NECAP1: variants seen among roughly 807,000 people sequenced by gnomAD.
The protein encoded by NECAP1 is NECAP endocytosis associated 1.
NECAP1 carries 13 observed loss-of-function variants against 33.4 expected under a neutral mutation model. That is an observed-to-expected ratio of 0.39 (90% CI 0.25 to 0.62). NECAP1 has a LOEUF of 0.62. NECAP1 is among the 20% of genes least tolerant of loss of function. The pLI is 0.52. For missense variants in NECAP1, 272 were observed against 347.4 expected (o/e 0.78, Z 1.73); for synonymous variants, 109 against 125.2 (o/e 0.87, Z 0.86).
intron 3 of NECAP1, 81 bp from the exon 4 acceptor site, chr12:8,091,688 A>C (rs1350013569): frequency 8.1e-7 from 1 of 1,237,464 alleles, no homozygotes; most frequent in Non-Finnish European, 1.2e-6. Context: ...GGTTTCTAAC[A>C]GGCCACAGAC....
chr12:8,087,525 T>TTG (rs1222286315), intron 1 of NECAP1, among the ~76,000 whole-genome samples: 1 of 149,274 alleles, frequency 6.7e-6, no homozygotes, highest in Non-Finnish European at 1.5e-5. Context: ...GTTCCTAATT[T>TTG]TTTTTTTTTT....
intron 3 of NECAP1, 78 bp from the exon 4 acceptor site, chr12:8,091,691 C>G (rs368644495): frequency 2.3e-6 from 3 of 1,278,232 alleles, no homozygotes. Flanking sequence ...TTCTAACAGG[C>G]CACAGACTGG....
At chr12:8,087,351 A>C (rs1394837839) in intron 1 of NECAP1, among the ~76,000 whole-genome samples, 1 of 151,814 alleles carries the variant, frequency 6.6e-6, no homozygotes, top group African/African-American at 2.4e-5. Flanking sequence ...CAAAATCAAG[A>C]GTTCTTTAGA....
At chr12:8,088,734 C>T (rs761798528) in intron 1 of NECAP1, among the ~76,000 whole-genome samples, 2 of 152,182 alleles carry the variant, frequency 1.3e-5, no homozygotes, top group African/African-American at 4.8e-5. Context: ...CAAGGCCCTG[C>T]GTGATCTGGC....
intron 1 of NECAP1, among the ~76,000 whole-genome samples, chr12:8,083,315 T>C (rs1489776794): frequency 1.3e-5 from 2 of 151,912 alleles, no homozygotes; most frequent in Admixed American, 6.6e-5. Flanking sequence ...TGCGCTCTTA[T>C]AATGTGCTTA....
chr12:8,095,175 T>G (rs1947583131), intron 6 of NECAP1: 1 of 168,396 alleles, frequency 5.9e-6, no homozygotes, highest in African/African-American at 2.4e-5. Flanking sequence ...CCATTATGAA[T>G]AAAGCTGCCG....
chr12:8,092,620 G>GT, intron 4 of NECAP1, 56 bp from the exon 5 acceptor site: 1 of 1,351,298 alleles, frequency 7.4e-7, no homozygotes, highest in Non-Finnish European at 1.0e-6. Flanking sequence ...AAATTTGTAT[G>GT]TCAGACTCTG....
intron 1 of NECAP1, among the ~76,000 whole-genome samples, chr12:8,083,421 C>CTTTTTTTTTTTTTTTTTTTTTTTTTTTTT (rs71042328): frequency 1.5e-5 from 1 of 65,840 alleles, no homozygotes; most frequent in Non-Finnish European, 2.6e-5. Flanking sequence ...TTTGTTTGTT[C>CTTTTTTTTTTTTTTTTTTTTTTTTTTTTT]TTTTTTTTTT....
chr12:8,086,099 T>C (rs1471803643), intron 1 of NECAP1, among the ~76,000 whole-genome samples: 1 of 152,196 alleles, frequency 6.6e-6, no homozygotes, highest in Admixed American at 6.5e-5. Context: ...TAATCTTTCT[T>C]ATTTACCAGA....
intron 3 of NECAP1, chr12:8,090,957 T>TTTTA (rs1947538639): frequency 6.6e-6 from 1 of 152,488 alleles, no homozygotes; most frequent in South Asian, 2.1e-4. Context: ...ATAATAAATG[T>TTTTA]TTTAGGTTTT....
In NECAP1 at chr12:8,089,974, G is replaced by C. The variant is rs973563199; in HGVS notation, c.134G>C (p.Gly45Ala). The change falls in exon 2 of 8, where the codon GGT becomes GCT. Residue 45 changes from glycine (G) to alanine (A), a missense_variant. Physicochemically the swap from Gly to Ala is moderately conservative, Grantham distance 60. Coordinates refer to ENST00000339754, the MANE Select transcript of NECAP1 (RefSeq NM_015509.4). The part of the protein sequence containing the change: ...DWKLDQPDWT[G>A]RLRITSKGKT... ...AAATTAGACCAGCCTGATTGGACTG[G>C]TCGCCTCCGAATCACTTCAAAAGGG... 1.6e-5 allele frequency: 26 copies of C among 1,614,052 alleles called. 1 individual carries two copies. The Admixed American group carries it at 1.7e-4, about 10-fold the overall frequency.
chr12:8,090,080 G>A, intron 2 of NECAP1, 44 bp downstream of exon 2: 1 of 1,585,552 alleles, frequency 6.3e-7, no homozygotes, highest in South Asian at 1.1e-5. Context: ...ATATTAATTT[G>A]GTGTGCTTTT....
chr12:8,088,132 A>C (rs2120470490), intron 1 of NECAP1, among the ~76,000 whole-genome samples: 1 of 152,336 alleles, frequency 6.6e-6, no homozygotes, highest in East Asian at 1.9e-4. Context: ...TTGTTGTTCA[A>C]GTTGATTATA....
Position 8,091,699 on chromosome 12 carries a change from T to G in NECAP1, c.302-70T>G, listed in dbSNP as rs1417933647. ...GCCTGGTTTCTAACAGGCCACAGAC[T>G]GGTGCCGGGGGTTGGGGGCTCCTGC... On this transcript the variant is annotated intron_variant, in intron 3 of 7. Transcript: ENST00000339754. 14 of 1,366,242 alleles carry G rather than the reference T, an allele frequency of 1.0e-5. No individual in the cohort carries two copies. The South Asian group carries it at 1.5e-4, about 15-fold the overall frequency. The allele number at this position is 1,366,242 out of a possible 1,614,324, so 84.6% of individuals were successfully genotyped here. A position where few individuals can be genotyped will look rare whatever the true frequency, so the allele number is the denominator to read the frequency against.
intron 1 of NECAP1, among the ~76,000 whole-genome samples, chr12:8,088,480 A>G (rs1947512430): frequency 6.6e-6 from 1 of 152,232 alleles, no homozygotes; most frequent in South Asian, 2.1e-4. Flanking sequence ...AAATCCTGCT[A>G]CTTTTACCCT....
intron 3 of NECAP1, 90 bp downstream of exon 3, chr12:8,090,389 CT>C: frequency 8.9e-7 from 1 of 1,123,090 alleles, no homozygotes; most frequent in South Asian, 1.3e-5. Flanking sequence ...ATTTATCTTT[CT>C]TTGGTTTACT....
chr12:8,089,692 CT>C, intron 1 of NECAP1: 1 of 466,528 alleles, frequency 2.1e-6, no homozygotes, highest in Non-Finnish European at 3.8e-6. Context: ...TTTATTCGTG[CT>C]TTTCCATCTT....
intron 4 of NECAP1, chr12:8,092,410 G>A: frequency 2.6e-6 from 1 of 381,278 alleles, no homozygotes; most frequent in Non-Finnish European, 4.8e-6. Context: ...CTCAACTGTG[G>A]GGAATGGGAA....
At chr12:8,082,418 T>A in intron 1 of NECAP1, 35 bp downstream of exon 1, 1 of 1,578,416 alleles carries the variant, frequency 6.3e-7, no homozygotes, top group South Asian at 1.1e-5. Context: ...ACACGCGTAC[T>A]CTGTCGCAGA....
Sources: allele counts gnomAD v4.1 joint callset (sites outside exome capture counted in the v4.1 genomes callset), GRCh38; gene constraint gnomAD v4.1.1; transcripts MANE v1.5; gene names NCBI Gene and HGNC (gene_info 2026-07-23, HGNC 2026-07-21).